Variants in CDC6 observed in about 807,000 individuals in gnomAD.
CDC6 encodes the protein cell division cycle 6.
A neutral mutation model predicts 60.2 loss-of-function variants in CDC6; 46 were observed. The observed-to-expected ratio is 0.76, with a 90% CI of 0.60 to 0.98. CDC6 has a LOEUF of 0.98. Ranked by LOEUF, CDC6 falls within the 50% of genes least tolerant of loss-of-function variation. The pLI is 0.00. For missense variants in CDC6, 596 were observed against 652.9 expected (o/e 0.91, Z 0.95); for synonymous variants, 210 against 233.2 (o/e 0.90, Z 0.90).
rs752411446 is a variant in CDC6, at chr17:40,291,505, C to T, written c.497C>T (p.Thr166Ile). The T allele has an allele frequency of 1.2e-6, 2 of 1,614,178 alleles. No individual in the cohort carries two copies. Among genetic ancestry groups the T allele is most frequent in the Non-Finnish European group, 1.7e-6 (2 of 1,180,018 alleles). Reference protein sequence around the residue: ...CYQQAKLVLNTAVPDRLPARE... With the variant: ...CYQQAKLVLNIAVPDRLPARE... ...CAGCAAGCAAAGCTGGTCCTGAACA[C>T]AGCTGTCCCAGATCGGCTGCCTGCC... The change falls in exon 4 of 12, where the codon ACA becomes ATA. Residue 166 changes from threonine to isoleucine, a missense_variant. Thr to Ile is a moderately conservative substitution (Grantham distance 89, BLOSUM62 -1). Coordinates refer to ENST00000209728, the MANE Select transcript of CDC6 (RefSeq NM_001254.4).
intron 9 of CDC6, 68 bp downstream of exon 9, chr17:40,296,835 A>G: frequency 9.7e-7 from 1 of 1,031,888 alleles, no homozygotes. Context: ...GGAAAGAGGT[A>G]GAAAGATGAA....
At chr17:40,292,791 C>A (rs892815497) in intron 4 of CDC6, among the ~76,000 whole-genome samples, 1 of 151,594 alleles carries the variant, frequency 6.6e-6, no homozygotes, top group Non-Finnish European at 1.5e-5. Flanking sequence ...ATTAGCCAGG[C>A]GTGGTGGCGA....
chr17:40,299,224 T>G (rs1445830551), intron 9 of CDC6, among the ~76,000 whole-genome samples: 1 of 138,862 alleles, frequency 7.2e-6, no homozygotes, highest in Non-Finnish European at 1.5e-5. Context: ...CTTGGCTCAA[T>G]GCAACCTCCT....
At chr17:40,294,580 A>G (rs1598516130) in intron 7 of CDC6, 77 bp downstream of exon 7, 4 of 1,418,882 alleles carry the variant, frequency 2.8e-6, no homozygotes, top group Non-Finnish European at 4.0e-6. Flanking sequence ...TAGTTCTAAA[A>G]TATTTTTGCC....
intron 11 of CDC6, 67 bp downstream of exon 11, chr17:40,301,675 GT>G: frequency 6.5e-7 from 1 of 1,536,588 alleles, no homozygotes; most frequent in Non-Finnish European, 9.0e-7. Flanking sequence ...TAAAGTAAAG[GT>G]TTATTGTTAA....
intron 4 of CDC6, among the ~76,000 whole-genome samples, chr17:40,292,218 A>G (rs186757212): frequency 6.6e-6 from 1 of 152,092 alleles, no homozygotes; most frequent in East Asian, 1.9e-4. Context: ...TTGTAGAGAC[A>G]GGGTTTCACC....
rs1362539164 is a variant in CDC6 at position 40,289,609 on chromosome 17, C to A, written c.178+11C>A. On this transcript the variant is annotated intron_variant, in intron 2 of 11. Transcript: ENST00000209728. ...CCAGGAAACGTCTGGGTAAACCATC[C>A]ATTATATCACTTTTTCACTAGCAGC... The A allele has an allele frequency of 1.2e-6, 2 of 1,610,166 alleles. No homozygotes were observed. Among genetic ancestry groups the A allele is most frequent in the Non-Finnish European group, 1.7e-6 (2 of 1,176,834 alleles).
intron 11 of CDC6, 59 bp downstream of exon 11, chr17:40,301,667 A>AG: frequency 6.4e-7 from 1 of 1,557,044 alleles, no homozygotes; most frequent in South Asian, 1.1e-5. Context: ...AGTGATGCTA[A>AG]AGTAAAGGTT....
intron 2 of CDC6, 24 bp from the exon 3 acceptor site, chr17:40,291,034 C>T (rs771144181): frequency 6.2e-7 from 1 of 1,612,898 alleles, no homozygotes; most frequent in African/African-American, 1.3e-5. Context: ...TGAGTGACTA[C>T]ATTTTTATTT....
intron 10 of CDC6, 152 bp from the exon 11 acceptor site, chr17:40,301,316 A>G: frequency 1.2e-6 from 1 of 809,272 alleles, no homozygotes. Context: ...GGGAATATCT[A>G]CAGAAGCCTG....
intron 1 of CDC6, among the ~76,000 whole-genome samples, chr17:40,288,709 C>G (rs1432468283): frequency 6.6e-6 from 1 of 151,992 alleles, no homozygotes; most frequent in Non-Finnish European, 1.5e-5. Flanking sequence ...CTCAGCCTCC[C>G]GAGTAGCTGG....
Position 40,295,209 on chromosome 17 carries a change from A to G in CDC6, c.1084-147A>G, listed in dbSNP as rs764300071. On this transcript the variant is annotated intron_variant, in intron 7 of 11. Coordinates refer to ENST00000209728, the MANE Select transcript of CDC6 (RefSeq NM_001254.4). ...GTGAAAACTCTCAAACGTCTCCATT[A>G]TTTATGAGAAGAAAAGGCATCTTTT... The G allele has an allele frequency of 1.0e-4, 70 of 681,820 alleles. 1 individual carries two copies. Among genetic ancestry groups the G allele is most frequent in the Non-Finnish European group, 1.7e-4 (64 of 375,684 alleles). The allele number at this position is 681,820 out of a possible 1,614,324, so 42.2% of individuals were successfully genotyped here. A position where few individuals can be genotyped will look rare whatever the true frequency, so the allele number is the denominator to read the frequency against.
intron 9 of CDC6, among the ~76,000 whole-genome samples, chr17:40,299,138 C>CTTTTGTTTTTTTTTTT (rs2032900724): frequency 1.6e-5 from 1 of 60,802 alleles, no homozygotes; most frequent in East Asian, 5.4e-4. Flanking sequence ...AGGCCATAGT[C>CTTTTGTTTTTTTTTTT]TTTTTTTTTT....
intron 4 of CDC6, among the ~76,000 whole-genome samples, chr17:40,293,126 C>A (rs2032793653): frequency 6.6e-6 from 1 of 151,952 alleles, no homozygotes; most frequent in Admixed American, 6.6e-5. Context: ...GTAATCCCAG[C>A]TACTTGGGAG....
rs372313551 is a variant in CDC6, at chr17:40,289,543, C to G, written c.123C>G (p.Thr41=). ...AACTAGAACCAACAAATGTCCAAAC[C>G]GTAACCTGTTCTCCTCGTGTAAAAG... ...DAKLEPTNVQ[T]VTCSPRVKAL... The change falls in exon 2 of 12, where the codon ACC becomes ACG. Residue 41 remains threonine, a synonymous_variant. Coordinates refer to ENST00000209728, the MANE Select transcript of CDC6 (RefSeq NM_001254.4). The G allele has an allele frequency of 6.2e-7, 1 of 1,613,862 alleles. No homozygotes were observed. The highest frequency in any genetic ancestry group is 1.7e-5 in the Admixed American group (1 of 59,970).
chr17:40,298,160 G>A (rs558022502), intron 9 of CDC6, among the ~76,000 whole-genome samples: 1 of 152,264 alleles, frequency 6.6e-6, no homozygotes, highest in African/African-American at 2.4e-5. Context: ...GCCAAAAATA[G>A]TGCTTAGGCT....
intron 9 of CDC6, among the ~76,000 whole-genome samples, chr17:40,300,216 G>C (rs2032918178): frequency 6.6e-6 from 1 of 152,120 alleles, no homozygotes; most frequent in African/African-American, 2.4e-5. Flanking sequence ...TGCCCGCCTT[G>C]ATCTCCCAAA....
intron 7 of CDC6, 61 bp from the exon 8 acceptor site, chr17:40,295,295 C>A: frequency 9.2e-7 from 1 of 1,083,180 alleles, no homozygotes; most frequent in Non-Finnish European, 1.4e-6. Context: ...ATGCTTGGGA[C>A]CTAAATTACA....
Position 40,301,489 on chromosome 17 carries a change from G to A in CDC6, c.1474G>A (p.Val492Ile), listed in dbSNP as rs1404337897. ...CCAGTTATATGAAGCCTACAGTAAA[G>A]TCTGTCGCAAACAGCAGGTGGCGGC... ...LGKLYEAYSK[V>I]CRKQQVAAVD... is the part of the protein sequence containing the mutation. The change falls in exon 11 of 12, where the codon GTC becomes ATC. Residue 492 changes from valine to isoleucine, a missense_variant. Val to Ile is a conservative substitution (Grantham distance 29). Coordinates refer to ENST00000209728, the MANE Select transcript of CDC6 (RefSeq NM_001254.4). 22 of 1,614,018 alleles carry A rather than the reference G, an allele frequency of 1.4e-5. No homozygotes were observed. The highest frequency in any genetic ancestry group is 1.7e-5 in the Non-Finnish European group (20 of 1,179,968).
Sources: gnomAD v4.1 joint callset for allele counts (sites outside exome capture counted in the v4.1 genomes callset) on GRCh38, gnomAD v4.1.1 for gene constraint, MANE v1.5 for transcripts, NCBI Gene and HGNC (gene_info 2026-07-23, HGNC 2026-07-21) for gene names.